Variants in RBFOX3 observed in about 807,000 individuals in gnomAD.
RBFOX3 encodes the protein RNA binding fox-1 homolog 3, also known as RNA binding protein fox-1 homolog 3.
A neutral mutation model predicts 48.7 loss-of-function variants in RBFOX3; 17 were observed. That is an observed-to-expected ratio of 0.35 (90% CI 0.24 to 0.52). The LOEUF (loss-of-function observed/expected upper bound fraction) is 0.52. RBFOX3 is among the 20% of genes least tolerant of loss of function. The pLI is 0.94. For missense variants in RBFOX3, 382 were observed against 497.5 expected (o/e 0.77, Z 2.21); for synonymous variants, 212 against 209.5 (o/e 1.01, Z -0.10).
At chr17:79,524,729 A>G (rs2086577840) in intron 1 of RBFOX3, among the ~76,000 whole-genome samples, 1 of 152,234 alleles carries the variant, frequency 6.6e-6, no homozygotes, top group African/African-American at 2.4e-5. Flanking sequence ...ATCTTCCAGC[A>G]CATGGCTCTG....
At chr17:79,635,108 C>T in the RBFOX3 span, among the ~76,000 whole-genome samples, 1 of 127,054 alleles carries the variant, frequency 7.9e-6, no homozygotes, top group Non-Finnish European at 1.6e-5. Context: ...AAAACGTTGG[C>T]ACTGACATAG....
intron 1 of RBFOX3, among the ~76,000 whole-genome samples, chr17:79,541,456 T>A (rs1341580576): frequency 6.6e-6 from 1 of 152,236 alleles, no homozygotes; most frequent in South Asian, 2.1e-4. Flanking sequence ...CCATACTTGG[T>A]GTACAAAGTA....
intron 4 of RBFOX3, among the ~76,000 whole-genome samples, chr17:79,165,910 C>G (rs936195365): frequency 6.6e-6 from 1 of 152,174 alleles, no homozygotes; most frequent in African/African-American, 2.4e-5. Flanking sequence ...GGCTGGGAGC[C>G]GGTGACACGC....
chr17:79,327,864 T>C, intron 2 of RBFOX3, among the ~76,000 whole-genome samples: 1 of 152,138 alleles, frequency 6.6e-6, no homozygotes, highest in Admixed American at 6.5e-5. Context: ...CCTGGCTAAT[T>C]TTTGTACTTT....
intron 9 of RBFOX3, chr17:79,098,526 CTGGGGAG>C (rs1447034625): frequency 6.6e-6 from 1 of 152,312 alleles, no homozygotes; most frequent in Non-Finnish European, 1.5e-5. Flanking sequence ...CCGTCAGCAG[CTGGGGAG>C]TGGCAGAGCC....
At chr17:79,612,193 G>A (rs2093974448), upstream of RBFOX3, among the ~76,000 whole-genome samples, 1 of 152,186 alleles carries the variant, frequency 6.6e-6, no homozygotes, top group African/African-American at 2.4e-5. Context: ...AGACATTCTG[G>A]TGCAGCAACC....
At chr17:79,164,106 G>C (rs763080515) in intron 4 of RBFOX3, among the ~76,000 whole-genome samples, 4 of 152,202 alleles carry the variant, frequency 2.6e-5, no homozygotes, top group Non-Finnish European at 5.9e-5. Context: ...GGTGAGATGG[G>C]GAAGCTCAAG....
chr17:79,095,632 A>G, intron 12 of RBFOX3, 58 bp from the exon 13 acceptor site: 1 of 1,458,372 alleles, frequency 6.9e-7, no homozygotes, highest in South Asian at 1.2e-5. Context: ...CCCCAGGGAA[A>G]GGCTGAGTGG....
At chr17:79,462,573 GTTACTAC>G (rs2075520815) in intron 2 of RBFOX3, among the ~76,000 whole-genome samples, 1 of 152,206 alleles carries the variant, frequency 6.6e-6, no homozygotes, top group Non-Finnish European at 1.5e-5. Flanking sequence ...ATTATTGGTT[GTTACTAC>G]TTAGTGGAGG....
rs564553119 is a variant in RBFOX3 at position 79,115,726 on chromosome 17, G to A, written c.-11C>T. The A allele has an allele frequency of 1.4e-4, 115 of 816,534 alleles. No homozygotes were observed. Among genetic ancestry groups the A allele is most frequent in the Middle Eastern group, 3.4e-4 (1 of 2,976 alleles). The allele number at this position is 816,534 out of a possible 1,614,324, so 50.6% of individuals were successfully genotyped here. ...GTAGGGCTGGGCCATCGCTTCAGGC[G>A]GAGCCGTGGCGTCCTGATCGCTCTG... On this transcript the variant is annotated 5_prime_UTR_variant, in exon 5 of 15. Transcript: ENST00000693108.
At chr17:79,434,251 A>G (rs2068984546) in intron 2 of RBFOX3, among the ~76,000 whole-genome samples, 1 of 152,240 alleles carries the variant, frequency 6.6e-6, no homozygotes, top group African/African-American at 2.4e-5. Flanking sequence ...CAGGTGCAGG[A>G]AGAATTATGA....
At chr17:79,570,473 T>C (rs2092634827) in intron 1 of RBFOX3, among the ~76,000 whole-genome samples, 1 of 152,150 alleles carries the variant, frequency 6.6e-6, no homozygotes. Flanking sequence ...GGTGGACAGA[T>C]GGATGGACAG....
chr17:79,174,315 C>T (rs1339004109), intron 4 of RBFOX3, among the ~76,000 whole-genome samples: 1 of 151,008 alleles, frequency 6.6e-6, no homozygotes, highest in African/African-American at 2.5e-5. Context: ...TGCATTCACT[C>T]ACATGCACAC....
At chr17:79,464,163 T>C (rs2076007170) in intron 2 of RBFOX3, among the ~76,000 whole-genome samples, 1 of 152,218 alleles carries the variant, frequency 6.6e-6, no homozygotes, top group South Asian at 2.1e-4. Flanking sequence ...CACCAGCTCC[T>C]CGTGCTCTGT....
At chr17:79,306,450 G>A (rs2076115217) in intron 3 of RBFOX3, among the ~76,000 whole-genome samples, 1 of 152,230 alleles carries the variant, frequency 6.6e-6, no homozygotes, top group South Asian at 2.1e-4. Context: ...GCCTACCCTG[G>A]CACACCTGCC....
At chr17:79,393,239 G>T (rs368312997) in intron 2 of RBFOX3, among the ~76,000 whole-genome samples, 1 of 152,214 alleles carries the variant, frequency 6.6e-6, no homozygotes, top group Admixed American at 6.5e-5. Flanking sequence ...CCGCGTAGCC[G>T]CCTGCTGCAG....
chr17:79,216,781 G>C (rs2059111169), intron 4 of RBFOX3, among the ~76,000 whole-genome samples: 1 of 152,172 alleles, frequency 6.6e-6, no homozygotes, highest in African/African-American at 2.4e-5. Flanking sequence ...TTACAGATGA[G>C]CCACCTGAGG....
the RBFOX3 span, among the ~76,000 whole-genome samples, chr17:79,639,192 T>G: frequency 6.6e-6 from 1 of 152,112 alleles, no homozygotes. Flanking sequence ...TATTTTTTTT[T>G]GAGACAGAGT....
chr17:79,263,723 A>C (rs2066182610), intron 3 of RBFOX3, among the ~76,000 whole-genome samples: 1 of 152,192 alleles, frequency 6.6e-6, no homozygotes, highest in South Asian at 2.1e-4. Flanking sequence ...GGTGCCTGAC[A>C]CACAGGGGGC....
Sources: allele counts gnomAD v4.1 joint callset (sites outside exome capture counted in the v4.1 genomes callset), GRCh38; gene constraint gnomAD v4.1.1; transcripts MANE v1.5; gene names NCBI Gene and HGNC (gene_info 2026-07-23, HGNC 2026-07-21).